Variants in MAGI2 observed in about 807,000 individuals in gnomAD.
MAGI2 encodes the protein membrane-associated guanylate kinase, WW and PDZ domain-containing protein 2.
MAGI2 carries 35 observed loss-of-function variants against 133.3 expected under a neutral mutation model. The observed-to-expected ratio is 0.26, with a 90% CI of 0.20 to 0.35. MAGI2 has a LOEUF of 0.35. Ranked by LOEUF, MAGI2 falls within the 10% of genes least tolerant of loss-of-function variation. MAGI2 has a pLI of 1.00. For missense variants in MAGI2, 1,636 were observed against 1,863.4 expected, an observed-to-expected ratio of 0.88 and a Z score of 2.25; for synonymous variants, 729 against 710.6, an observed-to-expected ratio of 1.03 and a Z score of -0.41.
chr7:78,814,263 T>A (rs1789358832), intron 2 of MAGI2, among the ~76,000 whole-genome samples: 2 of 152,214 alleles, frequency 1.3e-5, no homozygotes. Flanking sequence ...CACTATGACT[T>A]GTGATTCATC....
intron 9 of MAGI2, among the ~76,000 whole-genome samples, chr7:78,298,639 G>T (rs755563329): frequency 9.2e-5 from 14 of 151,984 alleles, no homozygotes; most frequent in Non-Finnish European, 1.8e-4. Context: ...GAATAGCTGG[G>T]ATTACAGGAA....
At chr7:78,967,765 G>T (rs934150466) in intron 2 of MAGI2, among the ~76,000 whole-genome samples, 4 of 151,862 alleles carry the variant, frequency 2.6e-5, no homozygotes, top group Non-Finnish European at 4.4e-5. Context: ...ATATACGCAT[G>T]GCTTATTTCT....
intron 9 of MAGI2, among the ~76,000 whole-genome samples, chr7:78,312,944 A>G (rs1562803586): frequency 6.6e-6 from 1 of 150,942 alleles, no homozygotes; most frequent in Non-Finnish European, 1.5e-5. Context: ...TTTTATATAT[A>G]TGTGTATATA....
chr7:79,351,143 C>T (rs902354252), intron 1 of MAGI2, among the ~76,000 whole-genome samples: 7 of 151,840 alleles, frequency 4.6e-5, no homozygotes, highest in Non-Finnish European at 7.4e-5. Flanking sequence ...TAAAGTAGAC[C>T]GAACTGTTAG....
intron 1 of MAGI2, among the ~76,000 whole-genome samples, chr7:79,380,552 A>T (rs922569993): frequency 4.0e-5 from 6 of 151,796 alleles, no homozygotes; most frequent in Admixed American, 2.0e-4. Flanking sequence ...GGCAGGAAAG[A>T]GTTATTGTTA....
intron 1 of MAGI2, among the ~76,000 whole-genome samples, chr7:79,397,421 T>A (rs999869473): frequency 2.0e-5 from 3 of 152,008 alleles, no homozygotes; most frequent in Non-Finnish European, 4.4e-5. Flanking sequence ...AAATTTACAT[T>A]ATCAGTTTTA....
intron 6 of MAGI2, among the ~76,000 whole-genome samples, chr7:78,441,918 GCAAATCC>G (rs1787674250): frequency 6.6e-6 from 1 of 151,990 alleles, no homozygotes; most frequent in South Asian, 2.1e-4. Flanking sequence ...CCTCCTAGTG[GCAAATCC>G]CAAATCTCAC....
At chr7:78,949,781 G>A (rs1469931914) in intron 2 of MAGI2, among the ~76,000 whole-genome samples, 1 of 152,180 alleles carries the variant, frequency 6.6e-6, no homozygotes, top group Non-Finnish European at 1.5e-5. Context: ...TGACAGCCAT[G>A]AAGGTGCATC....
chr7:79,168,671 T>C (rs1248812266), intron 1 of MAGI2, among the ~76,000 whole-genome samples: 2 of 151,998 alleles, frequency 1.3e-5, no homozygotes, highest in African/African-American at 2.4e-5. Flanking sequence ...TTTCATTTCA[T>C]CCTGTTTTCA....
chr7:79,116,572 C>G (rs1240733674), intron 1 of MAGI2, among the ~76,000 whole-genome samples: 2 of 152,154 alleles, frequency 1.3e-5, no homozygotes, highest in African/African-American at 4.8e-5. Flanking sequence ...ACTGTGCACA[C>G]CTTCACCTTG....
chr7:78,279,540 C>A (rs1032100961), intron 9 of MAGI2, among the ~76,000 whole-genome samples: 1 of 152,098 alleles, frequency 6.6e-6, no homozygotes, highest in Non-Finnish European at 1.5e-5. Flanking sequence ...AATTCAATCA[C>A]CCTCAGGGCA....
At chr7:78,604,091 A>G (rs928448983) in intron 3 of MAGI2, among the ~76,000 whole-genome samples, 1 of 152,254 alleles carries the variant, frequency 6.6e-6, no homozygotes, top group African/African-American at 2.4e-5. Flanking sequence ...ATTCCCTGGC[A>G]GCACTGAAGA....
chr7:79,089,627 A>G (rs1028356902), intron 1 of MAGI2, among the ~76,000 whole-genome samples: 1 of 152,076 alleles, frequency 6.6e-6, no homozygotes, highest in African/African-American at 2.4e-5. Flanking sequence ...TATGCAACCA[A>G]ATAAAAGGAT....
chr7:78,640,094 G>T (rs1033396847), intron 2 of MAGI2, among the ~76,000 whole-genome samples: 1 of 152,122 alleles, frequency 6.6e-6, no homozygotes, highest in African/African-American at 2.4e-5. Context: ...GCAGGACTCA[G>T]TTTCTATTCA....
intron 1 of MAGI2, among the ~76,000 whole-genome samples, chr7:79,140,360 T>G (rs2129546131): frequency 6.6e-6 from 1 of 152,300 alleles, no homozygotes; most frequent in East Asian, 1.9e-4. Flanking sequence ...ACATAATTTT[T>G]TGAAATTCAC....
chr7:78,790,859 T>A (rs557103706), intron 2 of MAGI2, among the ~76,000 whole-genome samples: 44 of 152,310 alleles, frequency 2.9e-4, no homozygotes, highest in African/African-American at 1.0e-3. Flanking sequence ...AAAATTATGA[T>A]GCATACTCAC....
chr7:78,953,499 G>T (rs1802037458), intron 2 of MAGI2, among the ~76,000 whole-genome samples: 1 of 151,924 alleles, frequency 6.6e-6, no homozygotes, highest in Admixed American at 6.6e-5. Flanking sequence ...AACAATAAAT[G>T]GGGAAATAAC....
chr7:78,382,988 C>T (rs1408095246), intron 6 of MAGI2, among the ~76,000 whole-genome samples: 3 of 151,970 alleles, frequency 2.0e-5, no homozygotes, highest in South Asian at 2.1e-4. Flanking sequence ...ATATATACCA[C>T]GTTTTCTGTA....
At chr7:78,035,854 C>T (rs111262863) in intron 21 of MAGI2, among the ~76,000 whole-genome samples, 56 of 151,598 alleles carry the variant, frequency 3.7e-4, no homozygotes, top group South Asian at 1.5e-3. Context: ...TGATTTATTC[C>T]TTGAAGACAG....
Sources: gnomAD v4.1 joint callset for allele counts (sites outside exome capture counted in the v4.1 genomes callset) on GRCh38, gnomAD v4.1.1 for gene constraint, MANE v1.5 for transcripts, NCBI Gene and HGNC (gene_info 2026-07-23, HGNC 2026-07-21) for gene names.